RBM47: variants seen among roughly 807,000 people sequenced by gnomAD.
The protein encoded by RBM47 is RNA-binding protein 47.
Under a neutral mutation model 47.1 loss-of-function variants are expected in RBM47, and 21 were observed. The ratio of observed to expected loss-of-function variants is 0.45; its 90% CI spans 0.32 to 0.64. The LOEUF (loss-of-function observed/expected upper bound fraction) is 0.64. RBM47 is among the 30% of genes least tolerant of loss of function. RBM47 has a pLI of 0.05. For synonymous variants in RBM47, 375 were observed against 361.7 expected (o/e 1.04, Z -0.42); for missense variants, 708 against 870.9 (o/e 0.81, Z 2.35).
intron 1 of RBM47, among the ~76,000 whole-genome samples, chr4:40,609,882 G>T (rs1294922258): frequency 6.6e-6 from 1 of 151,298 alleles, no homozygotes; most frequent in Non-Finnish European, 1.5e-5. Flanking sequence ...ATCACCTGAG[G>T]TCAGGAGTTC....
At chr4:40,555,700 G>A (rs1188952479) in intron 1 of RBM47, among the ~76,000 whole-genome samples, 2 of 152,188 alleles carry the variant, frequency 1.3e-5, no homozygotes, top group Non-Finnish European at 2.9e-5. Flanking sequence ...CCATGCCTGC[G>A]GCCGCCACAT....
At chr4:40,483,508 G>A (rs1328068976) in intron 2 of RBM47, among the ~76,000 whole-genome samples, 1 of 152,178 alleles carries the variant, frequency 6.6e-6, no homozygotes, top group African/African-American at 2.4e-5. Flanking sequence ...GCAGAGAAGC[G>A]CTGTGATCTG....
At chr4:40,527,384 T>C (rs1726837927) in intron 2 of RBM47, among the ~76,000 whole-genome samples, 1 of 151,234 alleles carries the variant, frequency 6.6e-6, no homozygotes, top group Admixed American at 6.6e-5. Context: ...CCTCCCAGAT[T>C]CAAGCGATCC....
At chr4:40,556,035 TTC>T (rs1375186496) in intron 1 of RBM47, among the ~76,000 whole-genome samples, 1 of 145,028 alleles carries the variant, frequency 6.9e-6, no homozygotes, top group Non-Finnish European at 1.5e-5. Context: ...TGAAAAGATC[TTC>T]TTTTTTTTTT....
intron 1 of RBM47, among the ~76,000 whole-genome samples, chr4:40,570,402 A>G (rs1731593460): frequency 6.6e-6 from 1 of 151,772 alleles, no homozygotes; most frequent in Non-Finnish European, 1.5e-5. Context: ...GAAGCCTGCA[A>G]CCTAGACCCC....
At chr4:40,465,274 G>A (rs561318012) in intron 3 of RBM47, among the ~76,000 whole-genome samples, 1 of 152,190 alleles carries the variant, frequency 6.6e-6, no homozygotes, top group African/African-American at 2.4e-5. Flanking sequence ...GGGGTCCAAG[G>A]TCAGGGTGAA....
At chr4:40,430,781 G>A (rs752034402) in intron 6 of RBM47, among the ~76,000 whole-genome samples, 3 of 152,144 alleles carry the variant, frequency 2.0e-5, no homozygotes, top group Non-Finnish European at 4.4e-5. Flanking sequence ...AGGGATTAGA[G>A]TCTAAGAATC....
intron 2 of RBM47, chr4:40,542,516 AT>A: frequency 6.6e-6 from 1 of 151,712 alleles, no homozygotes; most frequent in Non-Finnish European, 1.5e-5. Flanking sequence ...TTATTTATTT[AT>A]TTTTTCGAGA....
intron 3 of RBM47, among the ~76,000 whole-genome samples, chr4:40,458,640 G>A (rs952960446): frequency 2.0e-5 from 3 of 152,026 alleles, no homozygotes; most frequent in African/African-American, 7.2e-5. Context: ...TTCTGGTGGG[G>A]GATCACTTAA....
At chr4:40,531,884 T>G (rs1337888815) in intron 2 of RBM47, among the ~76,000 whole-genome samples, 1 of 152,086 alleles carries the variant, frequency 6.6e-6, no homozygotes, top group African/African-American at 2.4e-5. Flanking sequence ...TATCGTTAAG[T>G]GAGGCAGGGG....
At chr4:40,502,898 G>A (rs749268520) in intron 2 of RBM47, among the ~76,000 whole-genome samples, 1 of 151,654 alleles carries the variant, frequency 6.6e-6, no homozygotes, top group Non-Finnish European at 1.5e-5. Flanking sequence ...CCAGCACTTT[G>A]GGAGGCCAAG....
At chr4:40,502,429 T>C (rs1278884508) in intron 2 of RBM47, among the ~76,000 whole-genome samples, 1 of 152,176 alleles carries the variant, frequency 6.6e-6, no homozygotes, top group African/African-American at 2.4e-5. Flanking sequence ...TGCTGAGAAA[T>C]GCTTCCCCAG....
intron 2 of RBM47, among the ~76,000 whole-genome samples, chr4:40,528,185 G>A (rs1345279700): frequency 1.3e-5 from 2 of 152,140 alleles, no homozygotes; most frequent in African/African-American, 4.8e-5. Flanking sequence ...GGCCAAGGCG[G>A]GCAGATCACA....
At position 40,436,446 on chromosome 4, in the gene RBM47, C is replaced by T. The variant is rs1377794679; in HGVS notation, c.1325G>A (p.Gly442Asp). 13 of 1,613,366 alleles carry T rather than the reference C, an allele frequency of 8.1e-6. No individual in the cohort carries two copies. The highest frequency in any genetic ancestry group is 1.1e-5 in the Non-Finnish European group (13 of 1,179,872). ...TCAATCTGCTTCATACTGACCTGTA[C>T]CAGGTTTAATGGCAACTGGGTTGAC... ...PTVNPVAIKP[G>D]TVAIPAIGAQ... is the part of the protein sequence containing the mutation. Residue 442 changes from glycine (G) to aspartate (D), a missense_variant, in exon 5 of 7, where the codon GGT becomes GAT. By Grantham distance (94) the Gly-to-Asp change is moderately conservative (BLOSUM62 -1). Coordinates refer to ENST00000295971, the MANE Select transcript of RBM47 (RefSeq NM_001098634.2).
intron 2 of RBM47, among the ~76,000 whole-genome samples, chr4:40,478,363 T>C (rs1362611473): frequency 1.3e-5 from 2 of 152,276 alleles, no homozygotes; most frequent in Non-Finnish European, 1.5e-5. Flanking sequence ...AAATCATCCC[T>C]GGAGGAGTGA....
chr4:40,540,571 G>A (rs534979756), intron 2 of RBM47, among the ~76,000 whole-genome samples: 5 of 150,980 alleles, frequency 3.3e-5, no homozygotes, highest in African/African-American at 1.2e-4. Flanking sequence ...GCCAGGAGGC[G>A]GAGGTTGCAG....
chr4:40,436,836 T>A, intron 4 of RBM47, 189 bp from the exon 5 acceptor site: 2 of 706,674 alleles, frequency 2.8e-6, no homozygotes, highest in Non-Finnish European at 5.1e-6. Flanking sequence ...CCTAAGCATG[T>A]CTTCTTAGTA....
chr4:40,589,903 C>T (rs1295094195), intron 1 of RBM47, among the ~76,000 whole-genome samples: 3 of 152,158 alleles, frequency 2.0e-5, no homozygotes, highest in Non-Finnish European at 2.9e-5. Flanking sequence ...AGACAGGCGG[C>T]GGCTTTCATT....
At chr4:40,443,465 C>G (rs891083876) in intron 3 of RBM47, among the ~76,000 whole-genome samples, 1 of 151,826 alleles carries the variant, frequency 6.6e-6, no homozygotes, top group African/African-American at 2.4e-5. Context: ...CACCTGTAAT[C>G]CCAGCACTTT....
Sources: allele counts gnomAD v4.1 joint callset (sites outside exome capture counted in the v4.1 genomes callset), GRCh38; gene constraint gnomAD v4.1.1; transcripts MANE v1.5; gene names NCBI Gene and HGNC (gene_info 2026-07-23, HGNC 2026-07-21).